The following ATP8A2 variants were observed in gnomAD, a reference collection of about 807,000 sequenced individuals.
ATP8A2 encodes phospholipid-transporting ATPase IB.
In ATP8A2, 100 loss-of-function variants were observed where a neutral mutation model predicts 165.6. That is an observed-to-expected ratio of 0.60 (90% CI 0.51 to 0.71). The LOEUF (loss-of-function observed/expected upper bound fraction) is 0.71. ATP8A2 is among the 30% of genes least tolerant of loss of function. The pLI is 0.00. For synonymous variants in ATP8A2, 543 were observed against 548.8 expected, an observed-to-expected ratio of 0.99 and a Z score of 0.15; for missense variants, 1,227 against 1,479.5, an observed-to-expected ratio of 0.83 and a Z score of 2.80.
chr13:25,572,295 C>T (rs185986648), intron 18 of ATP8A2, among the ~76,000 whole-genome samples: 12 of 152,286 alleles, frequency 7.9e-5, no homozygotes, highest in Admixed American at 2.6e-4. Context: ...CGTGCCACCA[C>T]GCCTGACTAA....
At chr13:25,939,090 G>A (rs539882253) in intron 33 of ATP8A2, among the ~76,000 whole-genome samples, 3 of 152,208 alleles carry the variant, frequency 2.0e-5, no homozygotes, top group South Asian at 2.1e-4. Context: ...TGATCCATCC[G>A]CCTTGGCCTC....
At chr13:25,889,245 C>CATATATATATATAGATATATATAT (rs1953269728) in intron 33 of ATP8A2, among the ~76,000 whole-genome samples, 1 of 109,972 alleles carries the variant, frequency 9.1e-6, no homozygotes. Flanking sequence ...CATCCTTTGT[C>CATATATATATATAGATATATATAT]ATATATATAT....
At chr13:25,515,355 C>T (rs992889761) in intron 2 of ATP8A2, among the ~76,000 whole-genome samples, 2 of 152,220 alleles carry the variant, frequency 1.3e-5, no homozygotes, top group African/African-American at 4.8e-5. Context: ...CACAATGACA[C>T]TCTTATTACA....
At chr13:25,401,411 A>G (rs2033631915) in intron 1 of ATP8A2, among the ~76,000 whole-genome samples, 1 of 152,224 alleles carries the variant, frequency 6.6e-6, no homozygotes, top group Non-Finnish European at 1.5e-5. Context: ...ATTGAATCTG[A>G]AGAAAGAGCT....
rs917426649 is a variant in ATP8A2, at chr13:25,593,149, G to A, written c.2211+3450G>A. 4.6e-5 allele frequency among the ~76,000 whole-genome samples: 7 copies of A among 152,106 alleles called. No homozygotes were observed. The East Asian group carries it at 1.2e-3, about 25-fold the overall frequency. Reference sequence around the variant, plus strand: ...AGGGGGATAAAAGCAGCGTCCTAGCGCAATAAAGTAGATATACAGTAGAGC... The same window carrying A: ...AGGGGGATAAAAGCAGCGTCCTAGCACAATAAAGTAGATATACAGTAGAGC... On this transcript the variant is annotated intron_variant, in intron 24 of 36. Transcript: ENST00000381655.
chr13:25,509,323 G>T (rs1364778483), intron 2 of ATP8A2, among the ~76,000 whole-genome samples: 1 of 152,066 alleles, frequency 6.6e-6, no homozygotes, highest in African/African-American at 2.4e-5. Flanking sequence ...ATAAGTTGTG[G>T]AGCTGAAAGA....
intron 27 of ATP8A2, among the ~76,000 whole-genome samples, chr13:25,799,360 C>A (rs561754031): frequency 6.6e-6 from 1 of 152,138 alleles, no homozygotes; most frequent in Non-Finnish European, 1.5e-5. Flanking sequence ...AGAAACAGAA[C>A]GAAGGTCACA....
At position 25,770,759 on chromosome 13, in the gene ATP8A2, A is replaced by T. The variant is rs374345184; in HGVS notation, c.2568+1530A>T. Among the ~76,000 whole-genome samples the T allele has an allele frequency of 7.9e-5, 12 of 152,296 alleles. No individual in the cohort carries two copies. In the East Asian group the frequency reaches 1.4e-3, roughly 17 times the overall value. On this transcript the variant is annotated intron_variant, in intron 26 of 36. Transcript: ENST00000381655. ...CCTGTCCCTCTGTCTCCAGATTGCG[A>T]TACATCATGAATAGATGCCTGCTCA... is the stretch of plus-strand genomic sequence containing the variant.
At chr13:25,594,891 TA>T (rs1427899980) in intron 24 of ATP8A2, among the ~76,000 whole-genome samples, 2 of 151,958 alleles carry the variant, frequency 1.3e-5, no homozygotes, top group African/African-American at 4.8e-5. Context: ...CACACATGTT[TA>T]TAGCAGCACA....
rs139227651 is a variant in ATP8A2 at position 25,418,454 on chromosome 13, C to T, written c.76+46166C>T. Among the ~76,000 whole-genome samples the T allele has an allele frequency of 4.9e-3, 732 of 150,348 alleles. 2 individuals are homozygous for T. Among genetic ancestry groups the T allele is most frequent in the Non-Finnish European group, 6.4e-3 (430 of 67,712 alleles). On this transcript the variant is annotated intron_variant, in intron 1 of 36. Coordinates refer to ENST00000381655, the MANE Select transcript of ATP8A2 (RefSeq NM_016529.6). ...ACTCTGCCTCCTCTAGATCTAGTAC[C>T]GTACCATGTTAAAGGATATTTTTTT...
intron 25 of ATP8A2, among the ~76,000 whole-genome samples, chr13:25,738,362 C>A (rs2043832702): frequency 7.5e-6 from 1 of 134,198 alleles, no homozygotes; most frequent in Non-Finnish European, 1.6e-5. Flanking sequence ...ACACACACTT[C>A]TTCTGGTAGT....
chr13:25,592,951 A>C (rs944193776), intron 24 of ATP8A2, among the ~76,000 whole-genome samples: 2 of 152,208 alleles, frequency 1.3e-5, no homozygotes, highest in African/African-American at 4.8e-5. Flanking sequence ...TCTACTGAGC[A>C]GAGGTGCACT....
At chr13:26,014,325 T>G (rs1956916781) in intron 36 of ATP8A2, among the ~76,000 whole-genome samples, 1 of 152,206 alleles carries the variant, frequency 6.6e-6, no homozygotes, top group Admixed American at 6.5e-5. Flanking sequence ...GGAAGAAGGC[T>G]TTATCTGGTG....
intron 1 of ATP8A2, among the ~76,000 whole-genome samples, chr13:25,383,040 C>T (rs1196906968): frequency 6.7e-6 from 1 of 148,694 alleles, no homozygotes; most frequent in African/African-American, 2.5e-5. Flanking sequence ...CAGGTGTGAG[C>T]CACCACACCC....
At chr13:25,731,448 A>G (rs1206176289) in intron 25 of ATP8A2, among the ~76,000 whole-genome samples, 1 of 152,212 alleles carries the variant, frequency 6.6e-6, no homozygotes, top group Non-Finnish European at 1.5e-5. Context: ...TAAAGCCATA[A>G]CAATTAAAAT....
intron 2 of ATP8A2, among the ~76,000 whole-genome samples, chr13:25,510,756 A>C (rs2037200611): frequency 6.6e-6 from 1 of 152,194 alleles, no homozygotes; most frequent in African/African-American, 2.4e-5. Context: ...CTGGGTCTTT[A>C]GTCTGATTTC....
At chr13:25,804,581 T>A (rs548484264) in intron 27 of ATP8A2, among the ~76,000 whole-genome samples, 2 of 152,308 alleles carry the variant, frequency 1.3e-5, no homozygotes, top group East Asian at 3.9e-4. Flanking sequence ...CTCTACACAG[T>A]GGAGCTTTCT....
chr13:25,377,520 C>G (rs2032676199), intron 1 of ATP8A2, among the ~76,000 whole-genome samples: 1 of 152,014 alleles, frequency 6.6e-6, no homozygotes, highest in African/African-American at 2.4e-5. Flanking sequence ...ACCTGGATGG[C>G]TGGGCACAGT....
intron 28 of ATP8A2, 123 bp from the exon 29 acceptor site, chr13:25,837,040 T>C: frequency 8.2e-7 from 1 of 1,221,920 alleles, no homozygotes; most frequent in Non-Finnish European, 1.1e-6. Context: ...TCTGGGGATC[T>C]GTGAATCATG....
Sources: allele counts gnomAD v4.1 joint callset (sites outside exome capture counted in the v4.1 genomes callset), GRCh38; gene constraint gnomAD v4.1.1; transcripts MANE v1.5; gene names NCBI Gene and HGNC (gene_info 2026-07-23, HGNC 2026-07-21).